The following DGLUCY variants were observed in gnomAD, a reference collection of about 807,000 sequenced individuals.
DGLUCY encodes D-glutamate cyclase, mitochondrial.
Under a neutral mutation model 58.5 loss-of-function variants are expected in DGLUCY, and 58 were observed. The observed-to-expected ratio is 0.99, with a 90% CI of 0.80 to 1.23. The LOEUF is 1.23. DGLUCY is among the 50% of genes most tolerant of loss of function. The pLI is 0.00. For synonymous variants in DGLUCY, 325 were observed against 314.1 expected, an observed-to-expected ratio of 1.03 and a Z score of -0.37; for missense variants, 779 against 784.7, an observed-to-expected ratio of 0.99 and a Z score of 0.09.
rs780078383 is a variant in DGLUCY, at chr14:91,063,250, C to CT, written c.-82+2561dup. On this transcript the variant is annotated intron_variant, in intron 1 of 4. Transcript: ENST00000521334. Reference sequence around the variant, plus strand: ...TCCTCTTCCTAGACACACAGGAAGACTTTTTTTTTTTTTTTCTTACCTCCT... The same window carrying CT: ...TCCTCTTCCTAGACACACAGGAAGACTTTTTTTTTTTTTTTTCTTACCTCCT... 4.1e-3 allele frequency among the ~76,000 whole-genome samples: 585 copies of CT among 142,180 alleles called. 1 individual carries two copies. The highest frequency in any genetic ancestry group is 8.3e-3 in the South Asian group (37 of 4,450). 93.3% of individuals were successfully genotyped at this position (142,180 alleles called of 152,430 possible).
chr14:91,194,544 CTT>C (rs541744186), intron 9 of DGLUCY, among the ~76,000 whole-genome samples: 68 of 140,756 alleles, frequency 4.8e-4, no homozygotes, highest in Middle Eastern at 3.6e-3. Context: ...GTGAGGGATC[CTT>C]TTTTTTTTTT....
chr14:91,157,826 C>T (rs2047753188), intron 2 of DGLUCY, 136 bp downstream of exon 2: 1 of 152,128 alleles, frequency 6.6e-6, no homozygotes, highest in Non-Finnish European at 1.5e-5. Flanking sequence ...GGAAAGCAAC[C>T]TAGAAATCAA....
intron 1 of DGLUCY, among the ~76,000 whole-genome samples, chr14:91,090,169 A>G (rs2140063588): frequency 6.6e-6 from 1 of 152,246 alleles, no homozygotes; most frequent in East Asian, 1.9e-4. Context: ...TTGCACCGCC[A>G]CAGGGAGGAA....
At chr14:91,150,747 A>C (rs562411138) in intron 1 of DGLUCY, among the ~76,000 whole-genome samples, 37 of 152,334 alleles carry the variant, frequency 2.4e-4, no homozygotes, top group Non-Finnish European at 4.0e-4. Context: ...GTTTTTTAAC[A>C]ATCACAACTT....
At chr14:91,193,451 A>G (rs914649656) in intron 9 of DGLUCY, among the ~76,000 whole-genome samples, 2 of 152,246 alleles carry the variant, frequency 1.3e-5, no homozygotes, top group African/African-American at 4.8e-5. Flanking sequence ...TGGATTTTAC[A>G]GAACTTACAT....
At chr14:91,079,289 A>C (rs890386551) in intron 1 of DGLUCY, among the ~76,000 whole-genome samples, 1 of 151,784 alleles carries the variant, frequency 6.6e-6, no homozygotes, top group Non-Finnish European at 1.5e-5. Context: ...GCTTAACATG[A>C]TATTATCAGA....
At chr14:91,074,021 A>G (rs1450027180) in intron 1 of DGLUCY, among the ~76,000 whole-genome samples, 1 of 149,940 alleles carries the variant, frequency 6.7e-6, no homozygotes, top group Non-Finnish European at 1.5e-5. Context: ...CTTGGGAAGT[A>G]GAGGTGGGCA....
At chr14:91,207,469 T>C (rs1002183933) in intron 12 of DGLUCY, among the ~76,000 whole-genome samples, 1 of 152,132 alleles carries the variant, frequency 6.6e-6, no homozygotes, top group Non-Finnish European at 1.5e-5. Flanking sequence ...TTTGAAGCAA[T>C]AGCAAATGAG....
At chr14:91,174,868 C>A (rs1230849391) in intron 6 of DGLUCY, among the ~76,000 whole-genome samples, 1 of 152,136 alleles carries the variant, frequency 6.6e-6, no homozygotes, top group Non-Finnish European at 1.5e-5. Context: ...GGAGGGCACC[C>A]AGCTGGTGCC....
chr14:91,164,245 C>T (rs1159062299), intron 3 of DGLUCY, among the ~76,000 whole-genome samples: 7 of 152,148 alleles, frequency 4.6e-5, no homozygotes, highest in Admixed American at 2.0e-4. Flanking sequence ...CCACCACGCC[C>T]GGCCCAATAG....
intron 5 of DGLUCY, 116 bp downstream of exon 5, chr14:91,170,317 C>T (rs1010022257): frequency 8.6e-7 from 1 of 1,162,146 alleles, no homozygotes; most frequent in Non-Finnish European, 1.2e-6. Context: ...TAAGCTCCAG[C>T]CCCAGCTCAG....
chr14:91,084,743 C>T (rs1457149949), intron 1 of DGLUCY, among the ~76,000 whole-genome samples: 2 of 152,212 alleles, frequency 1.3e-5, no homozygotes, highest in Non-Finnish European at 2.9e-5. Flanking sequence ...GAGAGAGGCA[C>T]CCCTGGGGAG....
At chr14:91,111,733 T>C (rs2044705386), upstream of DGLUCY, among the ~76,000 whole-genome samples, 1 of 152,238 alleles carries the variant, frequency 6.6e-6, no homozygotes, top group Non-Finnish European at 1.5e-5. Flanking sequence ...TCATTAGGGC[T>C]CAACATACAA....
exon 1 of DGLUCY, chr14:91,060,624 G>T (rs1320607929): frequency 9.1e-6 from 7 of 766,802 alleles, no homozygotes; most frequent in Non-Finnish European, 1.2e-5. Flanking sequence ...CCCCTTCGGC[G>T]GGCACCGCTA....
At chr14:91,224,572 TA>T in intron 13 of DGLUCY, 111 bp from the exon 14 acceptor site, 1 of 1,269,464 alleles carries the variant, frequency 7.9e-7, no homozygotes, top group African/African-American at 1.5e-5. Flanking sequence ...TTTACTTTTT[TA>T]AAAAGCAAGT....
chr14:91,189,080 C>G lies in DGLUCY; in HGVS notation c.1105C>G (p.Leu369Val). The G allele has an allele frequency of 6.2e-7, 1 of 1,614,160 alleles. No individual in the cohort carries two copies. Among genetic ancestry groups the G allele is most frequent in the Non-Finnish European group, 8.5e-7 (1 of 1,180,028 alleles). ...PPGAVALVAF[L>V]QALEKEVAII... ...AGGAGCTGTTGCTCTGGTTGCCTTC[C>G]TGCAGGCCTTGGAGAAGGAGGTCGC... The change falls in exon 9 of 14, where the codon CTG becomes GTG. Residue 369 changes from leucine (L) to valine (V), a missense_variant. By Grantham distance (32) the Leu-to-Val change is conservative (BLOSUM62 1). Coordinates refer to ENST00000256324, the MANE Select transcript of DGLUCY (RefSeq NM_001102368.3).
Position 91,215,406 on chromosome 14 carries a change from T to A in DGLUCY, c.1566T>A (p.Gly522=), listed in dbSNP as rs200859829. 1 of 1,602,536 alleles carries A rather than the reference T, an allele frequency of 6.2e-7. No individual in the cohort carries two copies. The highest frequency in any genetic ancestry group is 1.7e-5 in the Admixed American group (1 of 58,976). ...DVEADFAVIA[G]VSNWGGYALA... ...TGGAATCTTGTTTTGCTGTTCTAGG[T>A]GTTTCTAACTGGGGAGGCTATGCCC... Residue 522 remains glycine (G), a splice_region_variant and synonymous_variant, in exon 13 of 14, where the codon GGT becomes GGA. Coordinates refer to ENST00000256324, the MANE Select transcript of DGLUCY (RefSeq NM_001102368.3).
rs116149076 is a variant in DGLUCY, at chr14:91,163,776, C to T, written c.103+3379C>T. 2.8e-3 allele frequency among the ~76,000 whole-genome samples: 420 copies of T among 152,186 alleles called. 4 individuals carry two copies. The highest frequency in any genetic ancestry group is 9.6e-3 in the African/African-American group (399 of 41,514). On this transcript the variant is annotated intron_variant, in intron 3 of 13. Transcript: ENST00000256324. ...ATTTCATCTCTCTGAGCCTCGTTCCCCTCATCTATAAAATATAATTACTTG... is the reference window on the plus strand; with the variant it reads ...ATTTCATCTCTCTGAGCCTCGTTCCTCTCATCTATAAAATATAATTACTTG...
intron 8 of DGLUCY, among the ~76,000 whole-genome samples, chr14:91,182,656 G>T (rs997877231): frequency 6.6e-6 from 1 of 152,244 alleles, no homozygotes; most frequent in Middle Eastern, 3.4e-3. Context: ...CTGGGGTTGG[G>T]CATGGAATAG....
Sources: gnomAD v4.1 joint callset for allele counts (sites outside exome capture counted in the v4.1 genomes callset) on GRCh38, gnomAD v4.1.1 for gene constraint, MANE v1.5 for transcripts, NCBI Gene and HGNC (gene_info 2026-07-23, HGNC 2026-07-21) for gene names.